The following GLIS3 variants were observed in gnomAD, a reference collection of about 807,000 sequenced individuals.
The protein encoded by GLIS3 is GLIS family zinc finger 3, also known as zinc finger protein GLIS3.
In GLIS3, 53 loss-of-function variants were observed where a neutral mutation model predicts 78.6. The observed-to-expected ratio is 0.67, with a 90% CI of 0.54 to 0.85. The LOEUF is 0.85. Among genes scored for constraint, GLIS3 ranks in the 40% least tolerant of loss-of-function variants. GLIS3 has a pLI of 0.00. For missense variants in GLIS3, 1,703 were observed against 1,231.1 expected (o/e 1.38, Z -5.74); for synonymous variants, 684 against 509.9 (o/e 1.34, Z -4.60).
chr9:4,424,111 C>G, the GLIS3 span, among the ~76,000 whole-genome samples: 10 of 152,128 alleles, frequency 6.6e-5, no homozygotes, highest in African/African-American at 1.9e-4. Flanking sequence ...CTCCCAATAT[C>G]CTTGAATTTC....
At chr9:3,992,636 T>C (rs530983242) in intron 4 of GLIS3, among the ~76,000 whole-genome samples, 2 of 152,362 alleles carry the variant, frequency 1.3e-5, no homozygotes, top group South Asian at 2.1e-4. Flanking sequence ...GATGGACTTA[T>C]TCAACATAAC....
chr9:4,161,291 A>C (rs188600829), intron 2 of GLIS3, among the ~76,000 whole-genome samples: 1 of 152,212 alleles, frequency 6.6e-6, no homozygotes, highest in Admixed American at 6.5e-5. Context: ...TAAACAAATA[A>C]GAATCTTAAA....
At chr9:3,910,916 C>T (rs1042251306) in intron 6 of GLIS3, among the ~76,000 whole-genome samples, 2 of 152,200 alleles carry the variant, frequency 1.3e-5, no homozygotes, top group Non-Finnish European at 2.9e-5. Flanking sequence ...ACCTTAATTA[C>T]TCTCAATACA....
intron 2 of GLIS3, among the ~76,000 whole-genome samples, chr9:4,180,826 C>A (rs376898625): frequency 1.2e-4 from 19 of 152,242 alleles, no homozygotes; most frequent in African/African-American, 4.3e-4. Flanking sequence ...AAATACCAGT[C>A]AATAAAATCT....
chr9:4,330,381 T>C (rs1376226995), intron 2 of GLIS3, among the ~76,000 whole-genome samples: 1 of 152,266 alleles, frequency 6.6e-6, no homozygotes, highest in Non-Finnish European at 1.5e-5. Flanking sequence ...TGCTAAAACC[T>C]TTCCAGGTAT....
chr9:4,145,906 T>C (rs1192819270), intron 2 of GLIS3, among the ~76,000 whole-genome samples: 1 of 152,114 alleles, frequency 6.6e-6, no homozygotes. Flanking sequence ...AACTACAAAA[T>C]ATAGAAATTC....
rs145012170 is a variant in GLIS3 at position 4,202,969 on chromosome 9, A to C, written c.389-77028T>G. Among the ~76,000 whole-genome samples, 1,441 of 152,360 alleles carry C rather than the reference A, an allele frequency of 9.5e-3. 11 individuals are homozygous for C. Among genetic ancestry groups the C allele is most frequent in the Admixed American group, 0.013 (206 of 15,310 alleles). On this transcript the variant is annotated intron_variant, in intron 2 of 10. Coordinates refer to ENST00000381971, the MANE Select transcript of GLIS3 (RefSeq NM_001042413.2). ...AATTGCAACAAAAACAAAAGTTGAC[A>C]AGTGGGACCTAATTAAACTAAAGAA... is the stretch of plus-strand genomic sequence containing the variant.
chr9:4,269,628 G>C (rs1826326647), intron 2 of GLIS3, among the ~76,000 whole-genome samples: 1 of 152,052 alleles, frequency 6.6e-6, no homozygotes. Flanking sequence ...TTGGGCTGGA[G>C]TATTTTCATA....
chr9:4,165,058 G>C lies in GLIS3; in HGVS notation c.389-39117C>G, dbSNP rs528227963. On this transcript the variant is annotated intron_variant, in intron 2 of 10. Coordinates refer to ENST00000381971, the MANE Select transcript of GLIS3 (RefSeq NM_001042413.2). ...ATGTAGGCTGTGTTTCATCCACACT[G>C]TGAGAGGCTCTAACATACTTTGAGG... Among the ~76,000 whole-genome samples the C allele has an allele frequency of 3.9e-5, 6 of 152,288 alleles. No individual in the cohort carries two copies. The East Asian group carries it at 1.2e-3, about 29-fold the overall frequency.
At chr9:3,867,096 G>T (rs1820636673) in intron 8 of GLIS3, among the ~76,000 whole-genome samples, 1 of 152,142 alleles carries the variant, frequency 6.6e-6, no homozygotes, top group Non-Finnish European at 1.5e-5. Context: ...GGCTTTTTAG[G>T]TTTTTAACAG....
intron 2 of GLIS3, among the ~76,000 whole-genome samples, chr9:4,209,815 G>A (rs13300860): frequency 1.2e-4 from 3 of 25,140 alleles, no homozygotes; most frequent in Non-Finnish European, 2.2e-4. Flanking sequence ...TAGCATTCCC[G>A]CCCCCCCCCA....
intron 4 of GLIS3, among the ~76,000 whole-genome samples, chr9:4,308,316 G>A (rs1817280723): frequency 6.6e-6 from 1 of 152,200 alleles, no homozygotes; most frequent in South Asian, 2.1e-4. Flanking sequence ...GCAGGGAGGA[G>A]GAGGATAAAG....
intron 3 of GLIS3, among the ~76,000 whole-genome samples, chr9:4,119,698 T>C (rs536683003): frequency 1.3e-5 from 2 of 152,346 alleles, no homozygotes; most frequent in South Asian, 4.1e-4. Flanking sequence ...TCGTTCACTT[T>C]CTGTAATTGA....
intron 2 of GLIS3, among the ~76,000 whole-genome samples, chr9:4,129,593 C>A (rs1247579762): frequency 6.6e-6 from 1 of 152,178 alleles, no homozygotes; most frequent in Non-Finnish European, 1.5e-5. Context: ...ATGCCTGTTT[C>A]CCCTTCGCCT....
At chr9:4,462,855 G>T in the GLIS3 span, among the ~76,000 whole-genome samples, 13 of 152,120 alleles carry the variant, frequency 8.5e-5, no homozygotes, top group Non-Finnish European at 1.8e-4. Flanking sequence ...ATCCCAAATC[G>T]TTTGAAAAGC....
chr9:4,390,277 A>T, the GLIS3 span, among the ~76,000 whole-genome samples: 8,407 of 152,358 alleles, frequency 0.055, 345 homozygotes, highest in East Asian at 0.18. Flanking sequence ...ATAGGGTGCA[A>T]TACTTTGCAC....
At chr9:4,386,221 G>C in the GLIS3 span, among the ~76,000 whole-genome samples, 5 of 152,120 alleles carry the variant, frequency 3.3e-5, no homozygotes, top group Admixed American at 2.0e-4. Flanking sequence ...AGGAGCTTTG[G>C]TTACTAAGCT....
chr9:4,096,510 G>A (rs1328939078), intron 4 of GLIS3, among the ~76,000 whole-genome samples: 1 of 152,174 alleles, frequency 6.6e-6, no homozygotes, highest in Non-Finnish European at 1.5e-5. Context: ...GGAGCTGGGG[G>A]TGGTGGAGTC....
chr9:3,964,928 T>A (rs969087570), intron 4 of GLIS3, among the ~76,000 whole-genome samples: 5 of 152,092 alleles, frequency 3.3e-5, no homozygotes, highest in Admixed American at 2.0e-4. Flanking sequence ...GAGCTAAGGG[T>A]ATTGTTGCCT....
Sources: allele counts gnomAD v4.1 joint callset (sites outside exome capture counted in the v4.1 genomes callset), GRCh38; gene constraint gnomAD v4.1.1; transcripts MANE v1.5; gene names NCBI Gene and HGNC (gene_info 2026-07-23, HGNC 2026-07-21).